Variants in CD58 observed in about 807,000 individuals in gnomAD.
CD58 encodes the protein CD58 molecule.
A neutral mutation model predicts 27.6 loss-of-function variants in CD58; 14 were observed. That is an observed-to-expected ratio of 0.51 (90% CI 0.34 to 0.79). The LOEUF (loss-of-function observed/expected upper bound fraction) is 0.79. Ranked by LOEUF, CD58 falls within the 30% of genes least tolerant of loss-of-function variation. The pLI, the probability that CD58 is intolerant of heterozygous loss-of-function variation, is 0.02. For synonymous variants in CD58, 117 were observed against 103.8 expected (o/e 1.13, Z -0.77); for missense variants, 268 against 301.7 (o/e 0.89, Z 0.83).
At chr1:116,561,454 G>A in intron 1 of CD58, among the ~76,000 whole-genome samples, 1 of 152,120 alleles carries the variant, frequency 6.6e-6, no homozygotes, top group East Asian at 1.9e-4. Context: ...GGTACCTAGA[G>A]AATGTAAATA....
intron 1 of CD58, among the ~76,000 whole-genome samples, chr1:116,544,956 G>A (rs934266155): frequency 8.5e-5 from 13 of 152,214 alleles, no homozygotes; most frequent in African/African-American, 3.1e-4. Flanking sequence ...GCCTCCCCAA[G>A]GAAGTCATGC....
In CD58 at chr1:116,521,954, G is replaced by T; in HGVS notation, c.658C>A (p.Pro220Thr). 6.3e-7 allele frequency: 1 copy of T among 1,581,918 alleles called. No individual in the cohort carries two copies. The highest frequency in any genetic ancestry group is 8.7e-7 in the Non-Finnish European group (1 of 1,153,346). ...GTTGTAATTACTGCTAATGGTATGG[G>T]TATAAGTGCATATCTGTGTCTTGAA... ...GHSRHRYALI[P>T]IPLAVITTCI... Residue 220 changes from proline (P) to threonine (T), a missense_variant, in exon 4 of 6, where the codon CCC becomes ACC. Coordinates refer to ENST00000369489, the MANE Select transcript of CD58 (RefSeq NM_001779.3). The surrounding 1 kb of genome is among the most constrained non-coding windows in gnomAD (Gnocchi z 5.6).
intron 1 of CD58, among the ~76,000 whole-genome samples, chr1:116,545,219 C>G (rs934194781): frequency 2.0e-5 from 3 of 152,094 alleles, no homozygotes; most frequent in African/African-American, 7.2e-5. Flanking sequence ...CAGCCCACAG[C>G]CTATGTGTGC....
intron 2 of CD58, among the ~76,000 whole-genome samples, chr1:116,537,073 T>C (rs1657838345): frequency 6.6e-6 from 1 of 152,142 alleles, no homozygotes; most frequent in African/African-American, 2.4e-5. Flanking sequence ...CTGGGCAACA[T>C]AGCAAGACCC....
intron 3 of CD58, chr1:116,533,486 T>C: frequency 2.7e-6 from 2 of 739,110 alleles, no homozygotes; most frequent in East Asian, 2.6e-5. Flanking sequence ...ATGAAAGACA[T>C]AGGCTGTCCA....
At chr1:116,542,707 C>T (rs188743805) in intron 2 of CD58, among the ~76,000 whole-genome samples, 12 of 152,178 alleles carry the variant, frequency 7.9e-5, no homozygotes, top group Admixed American at 6.5e-4. Context: ...GTGATATTCC[C>T]GAGGACGGCA....
chr1:116,560,278 T>G (rs898868478), intron 1 of CD58, among the ~76,000 whole-genome samples: 2 of 152,210 alleles, frequency 1.3e-5, no homozygotes, highest in African/African-American at 2.4e-5. Context: ...TCTTTGACTG[T>G]TCTCACCTTA....
At position 116,519,071 on chromosome 1, in the gene CD58, G is replaced by T; in HGVS notation, c.743+160C>A. ...CTAGTGCAGTGCATGGCACACAGTT[G>T]GTACTTAATACACTATGGTTAGTAT... On this transcript the variant is annotated intron_variant, in intron 5 of 5. Coordinates refer to ENST00000369489, the MANE Select transcript of CD58 (RefSeq NM_001779.3). This position sits in a 1 kb window ranked among gnomAD's most constrained non-coding sequence, Gnocchi z 4.7. 7.0e-7 allele frequency: 1 copy of T among 1,419,782 alleles called. No homozygotes were observed. The highest frequency in any genetic ancestry group is 1.4e-5 in the South Asian group (1 of 69,510). 87.9% of individuals were successfully genotyped at this position (1,419,782 alleles called of 1,614,324 possible).
Position 116,536,111 on chromosome 1 carries a change from C to A in CD58, c.482G>T (p.Cys161Phe), listed in dbSNP as rs1037524624. 9 of 1,613,696 alleles carry A rather than the reference C, an allele frequency of 5.6e-6. No homozygotes were observed. The highest frequency in any genetic ancestry group is 7.6e-6 in the Non-Finnish European group (9 of 1,179,850). ...HRGLIMYSWD[C>F]PMEQCKRNST... ...GTTACGTTTACATTGCTCCATAGGA[C>A]AATCCCATGAGTACATTATAAGTCC... The change falls in exon 3 of 6, where the codon TGT (cysteine) becomes TTT (phenylalanine). Residue 161 changes from cysteine to phenylalanine, a missense_variant. Transcript: ENST00000369489. This position sits in a 1 kb window ranked among gnomAD's most constrained non-coding sequence, Gnocchi z 5.4.
rs1420554357 is a variant in CD58 at position 116,516,215 on chromosome 1, G to A, written c.744-1393C>T. Among the ~76,000 whole-genome samples the A allele has an allele frequency of 6.6e-6, 1 of 152,074 alleles. No individual in the cohort carries two copies. The highest frequency in any genetic ancestry group is 1.5e-5 in the Non-Finnish European group (1 of 68,014). On this transcript the variant is annotated intron_variant, in intron 5 of 5. Coordinates refer to ENST00000369489, the MANE Select transcript of CD58 (RefSeq NM_001779.3). This position sits in a 1 kb window ranked among gnomAD's most constrained non-coding sequence, Gnocchi z 6.1. Reference sequence around the variant, plus strand: ...AGCTTCATAACCCTTTAGTAACTGAGCTTAGAGAATTCCCCCTGCTGCCAC... The same window carrying A: ...AGCTTCATAACCCTTTAGTAACTGAACTTAGAGAATTCCCCCTGCTGCCAC...
rs1042556045 is a variant in CD58 at position 116,546,878 on chromosome 1, C to G, written c.71-2274G>C. ...TCCGCCTCTGCCATCCCTGAGATAG[C>G]AAGACCAACCCCTCCTCCCACTTAG... On this transcript the variant is annotated intron_variant, in intron 1 of 5. Transcript: ENST00000369489. This position sits in a 1 kb window ranked among gnomAD's most constrained non-coding sequence, Gnocchi z 4.1. Among the ~76,000 whole-genome samples, 1 of 152,160 alleles carries G rather than the reference C, an allele frequency of 6.6e-6. No individual in the cohort carries two copies. The highest frequency in any genetic ancestry group is 1.5e-5 in the Non-Finnish European group (1 of 68,024).
At position 116,519,185 on chromosome 1, in the gene CD58, G is replaced by T; in HGVS notation, c.743+46C>A. 1 of 1,608,910 alleles carries T rather than the reference G, an allele frequency of 6.2e-7. No homozygotes were observed. Among genetic ancestry groups the T allele is most frequent in the Non-Finnish European group, 8.5e-7 (1 of 1,176,894 alleles). ...CCAAGTAATGGGCATCTACAGCAGG[G>T]CTGCTGTTGTTCTGGCACAGAGTGC... On this transcript the variant is annotated intron_variant, in intron 5 of 5. Transcript: ENST00000369489. The surrounding 1 kb of genome is among the most constrained non-coding windows in gnomAD (Gnocchi z 4.7).
intron 3 of CD58, among the ~76,000 whole-genome samples, chr1:116,530,514 C>T (rs570921223): frequency 2.2e-4 from 33 of 152,248 alleles, no homozygotes; most frequent in African/African-American, 7.9e-4. Context: ...TACCTGTCTC[C>T]TCATTCTTAA....
rs2101206378 is a variant in CD58, at chr1:116,552,708, A to C, written c.71-8104T>G. 6.6e-6 allele frequency among the ~76,000 whole-genome samples: 1 copy of C among 152,280 alleles called. No homozygotes were observed. Among genetic ancestry groups the C allele is most frequent in the African/African-American group, 2.4e-5 (1 of 41,550 alleles). ...ACATAATATTCCAGAGCATGAGGGA[A>C]CCATAATTAATCTGCCATCCACCAC... On this transcript the variant is annotated intron_variant, in intron 1 of 5. Coordinates refer to ENST00000369489, the MANE Select transcript of CD58 (RefSeq NM_001779.3). The surrounding 1 kb of genome is among the most constrained non-coding windows in gnomAD (Gnocchi z 4.5).
intron 1 of CD58, among the ~76,000 whole-genome samples, chr1:116,555,467 T>C (rs1019970892): frequency 7.2e-5 from 11 of 152,020 alleles, no homozygotes; most frequent in African/African-American, 2.2e-4. Flanking sequence ...CAAAGAGAGA[T>C]GGAGGGAGGG....
At chr1:116,545,925 C>G (rs1658153513) in intron 1 of CD58, among the ~76,000 whole-genome samples, 1 of 152,136 alleles carries the variant, frequency 6.6e-6, no homozygotes, top group South Asian at 2.1e-4. Flanking sequence ...GCCTGTAAGT[C>G]CAGCATTTTG....
At chr1:116,555,514 T>C (rs1015160770) in intron 1 of CD58, among the ~76,000 whole-genome samples, 8 of 152,314 alleles carry the variant, frequency 5.3e-5, no homozygotes, top group South Asian at 2.1e-4. Flanking sequence ...AAAGATTTTC[T>C]ATGCTAGCCA....
At chr1:116,562,367 G>A (rs1658784114) in intron 1 of CD58, among the ~76,000 whole-genome samples, 1 of 152,076 alleles carries the variant, frequency 6.6e-6, no homozygotes, top group Admixed American at 6.5e-5. Context: ...TACCCAGGCT[G>A]GAATGCAGTT....
In CD58 at chr1:116,541,850, C is replaced by T. The variant is rs929437564; in HGVS notation, c.364+2461G>A. Among the ~76,000 whole-genome samples, 1 of 152,102 alleles carries T rather than the reference C, an allele frequency of 6.6e-6. No homozygotes were observed. The highest frequency in any genetic ancestry group is 1.5e-5 in the Non-Finnish European group (1 of 68,030). On this transcript the variant is annotated intron_variant, in intron 2 of 5. Coordinates refer to ENST00000369489, the MANE Select transcript of CD58 (RefSeq NM_001779.3). This position sits in a 1 kb window ranked among gnomAD's most constrained non-coding sequence, Gnocchi z 5.3. ...ATTTAAAGCCCTGACATGGGATGAG[C>T]TCACCCACTGGCTATGAACGCAGAC... is the stretch of plus-strand genomic sequence containing the variant.
Sources: allele counts gnomAD v4.1 joint callset (sites outside exome capture counted in the v4.1 genomes callset), GRCh38; gene constraint gnomAD v4.1.1; non-coding constraint Gnocchi (gnomAD v3.1); transcripts MANE v1.5; gene names NCBI Gene and HGNC (gene_info 2026-07-23, HGNC 2026-07-21).